The following CNR2 variants were observed in gnomAD, a reference collection of about 807,000 sequenced individuals.
CNR2 encodes the protein cannabinoid receptor 2 (macrophage).
For synonymous variants in CNR2, 172 were observed against 182.2 expected (o/e 0.94, Z 0.45); for missense variants, 379 against 439.9 (o/e 0.86, Z 1.24).
intron 1 of CNR2, among the ~76,000 whole-genome samples, chr1:23,887,104 C>T (rs983081906): frequency 6.6e-6 from 1 of 152,154 alleles, no homozygotes; most frequent in Non-Finnish European, 1.5e-5. Flanking sequence ...CAGGGTTTTG[C>T]CATGTTGGCC....
At chr1:23,881,993 C>T (rs1472966783) in intron 1 of CNR2, among the ~76,000 whole-genome samples, 1 of 151,504 alleles carries the variant, frequency 6.6e-6, no homozygotes. Flanking sequence ...GCAGTCTTGG[C>T]TCACTGCAAC....
intron 1 of CNR2, among the ~76,000 whole-genome samples, chr1:23,898,335 C>CCAATTTTTTT (rs1230917304): frequency 1.6e-4 from 17 of 108,188 alleles, no homozygotes; most frequent in Middle Eastern, 6.8e-3. Flanking sequence ...CCGCGCCCGG[C>CCAATTTTTTT]TTTTTTTTTT....
chr1:23,902,488 C>T (rs78725484), intron 1 of CNR2: 61,525 of 1,604,678 alleles, frequency 0.038, 1,342 homozygotes, highest in Non-Finnish European at 0.044. Flanking sequence ...GCTTCCAGAT[C>T]GATCTCATCA....
At chr1:23,902,721 C>T in intron 1 of CNR2, 1 of 1,580,324 alleles carries the variant, frequency 6.3e-7, no homozygotes, top group Non-Finnish European at 8.6e-7. Flanking sequence ...GAGCGCGTTC[C>T]TCTCGCGCAG....
chr1:23,901,938 T>C, intron 1 of CNR2: 1 of 1,602,786 alleles, frequency 6.2e-7, no homozygotes, highest in Non-Finnish European at 8.5e-7. Context: ...GTGAGGCCCT[T>C]CCTCTTGATC....
Position 23,872,259 on chromosome 1 carries a change from G to C in CNR2, c.*2276C>G, listed in dbSNP as rs1639777734. On this transcript the variant is annotated 3_prime_UTR_variant, in exon 2 of 2. Transcript: ENST00000374472. ...TGACAGGGACTGCCAGAAGTTGAAA[G>C]AGTCAAGGAATAATTCTCCCCTTAA... 6.6e-6 allele frequency: 1 copy of C among 150,824 alleles called. No individual in the cohort carries two copies. Among genetic ancestry groups the C allele is most frequent in the Non-Finnish European group, 1.5e-5 (1 of 67,818 alleles). 9.3% of individuals were successfully genotyped at this position (150,824 alleles called of 1,614,324 possible).
At chr1:23,891,635 A>G (rs4649129) in intron 1 of CNR2, among the ~76,000 whole-genome samples, 15 of 130,990 alleles carry the variant, frequency 1.1e-4, no homozygotes, top group Admixed American at 1.6e-4. Flanking sequence ...AAAAAAAAAA[A>G]AAAGCCCAAA....
intron 1 of CNR2, among the ~76,000 whole-genome samples, chr1:23,896,946 C>T (rs1258735469): frequency 2.0e-5 from 3 of 147,752 alleles, no homozygotes; most frequent in Non-Finnish European, 4.4e-5. Flanking sequence ...AATACAGTGG[C>T]GAGATCTCAG....
intron 1 of CNR2, among the ~76,000 whole-genome samples, chr1:23,911,470 TTATGTTCTG>T (rs1640583255): frequency 6.6e-6 from 1 of 152,054 alleles, no homozygotes; most frequent in South Asian, 2.1e-4. Flanking sequence ...TCCCTCACGC[TTATGTTCTG>T]TGTGTCCTCT....
intron 1 of CNR2, 94 bp from the exon 2 acceptor site, chr1:23,875,756 A>G (rs2148456534): frequency 3.0e-6 from 3 of 988,482 alleles, no homozygotes; most frequent in South Asian, 1.7e-5. Flanking sequence ...TGCTACCTGT[A>G]TGGATGGATT....
chr1:23,878,190 C>T (rs1359808122), intron 1 of CNR2, among the ~76,000 whole-genome samples: 1 of 151,964 alleles, frequency 6.6e-6, no homozygotes, highest in Non-Finnish European at 1.5e-5. Context: ...CATGGGAAAA[C>T]CCCATCTCTA....
intron 1 of CNR2, chr1:23,901,364 CAA>C: frequency 1.0e-6 from 1 of 1,003,802 alleles, no homozygotes; most frequent in Non-Finnish European, 1.4e-6. Flanking sequence ...GACTACATGC[CAA>C]AGAGAGACAA....
intron 1 of CNR2, among the ~76,000 whole-genome samples, chr1:23,892,182 GCC>G (rs1214786462): frequency 2.0e-5 from 3 of 152,194 alleles, no homozygotes; most frequent in Non-Finnish European, 4.4e-5. Flanking sequence ...GATGGTGCCT[GCC>G]CAGGCTCTTG....
At position 23,875,294 on chromosome 1, in the gene CNR2, C is replaced by T. The variant is rs756628656; in HGVS notation, c.324G>A (p.Leu108=). Residue 108 remains leucine, a synonymous_variant, in exon 2 of 2, where the codon CTG becomes CTA. Coordinates refer to ENST00000374472, the MANE Select transcript of CNR2 (RefSeq NM_001841.3). The stretch of plus-strand genomic sequence containing the variant: ...AGGTCATAGTCACGCTGCCAATCTT[C>T]AGCAGGAAGACAGCCTTGGAATCCA... ...HGVDSKAVFL[L]KIGSVTMTFT... The T allele has an allele frequency of 6.2e-7, 1 of 1,614,210 alleles. No homozygotes were observed. Among genetic ancestry groups the T allele is most frequent in the Non-Finnish European group, 8.5e-7 (1 of 1,180,052 alleles).
At chr1:23,889,688 C>T (rs964365034) in intron 1 of CNR2, among the ~76,000 whole-genome samples, 1 of 152,044 alleles carries the variant, frequency 6.6e-6, no homozygotes, top group Non-Finnish European at 1.5e-5. Context: ...CCAAGGTCTC[C>T]TCGAGGAAAC....
intron 1 of CNR2, chr1:23,901,674 C>T: frequency 6.8e-7 from 1 of 1,479,660 alleles, no homozygotes; most frequent in Non-Finnish European, 9.5e-7. Flanking sequence ...ACCGGGTGTT[C>T]AAACCAGACC....
At chr1:23,899,672 A>G (rs1341538920) in intron 1 of CNR2, among the ~76,000 whole-genome samples, 1 of 148,484 alleles carries the variant, frequency 6.7e-6, no homozygotes, top group Non-Finnish European at 1.5e-5. Flanking sequence ...AAAGTTAGCC[A>G]GGTGTGGTGG....
intron 1 of CNR2, among the ~76,000 whole-genome samples, chr1:23,910,087 C>CACAG (rs1204282658): frequency 6.6e-6 from 1 of 151,474 alleles, no homozygotes; most frequent in Non-Finnish European, 1.5e-5. Context: ...TAGCTGGGAC[C>CACAG]ACAGGCATGT....
intron 1 of CNR2, among the ~76,000 whole-genome samples, chr1:23,896,742 C>T (rs142362385): frequency 1.3e-5 from 2 of 152,266 alleles, no homozygotes; most frequent in African/African-American, 4.8e-5. Flanking sequence ...CAGGGAGCAC[C>T]TGCTAGCTTG....
Sources: gnomAD v4.1 joint callset for allele counts (sites outside exome capture counted in the v4.1 genomes callset) on GRCh38, gnomAD v4.1.1 for gene constraint, MANE v1.5 for transcripts, NCBI Gene and HGNC (gene_info 2026-07-23, HGNC 2026-07-21) for gene names.